The following TRIM15 variants were observed in gnomAD, a reference collection of about 807,000 sequenced individuals.
The protein encoded by TRIM15 is E3 ubiquitin-protein ligase TRIM15.
A neutral mutation model predicts 35.8 loss-of-function variants in TRIM15; 35 were observed. That is an observed-to-expected ratio of 0.98 (90% CI 0.75 to 1.30). The LOEUF is 1.30. TRIM15 is among the 50% of genes most tolerant of loss of function. TRIM15 has a pLI of 0.00. For missense variants in TRIM15, 590 were observed against 593.5 expected (o/e 0.99, Z 0.06); for synonymous variants, 252 against 249.8 (o/e 1.01, Z -0.08).
Position 30,163,690 on chromosome 6 carries a change from C to T in TRIM15, c.6C>T (p.Pro2=), listed in dbSNP as rs777093256. The T allele has an allele frequency of 1.9e-6, 3 of 1,604,796 alleles. No individual in the cohort carries two copies. The highest frequency in any genetic ancestry group is 1.7e-5 in the Admixed American group (1 of 59,722). Residue 2 remains proline, a synonymous_variant, in exon 1 of 7, where the codon CCC becomes CCT. Transcript: ENST00000376694. M[P]ATPSLKVVHE... ...GGGCTGGGGAAGGCACCGTGATGCC[C>T]GCAACCCCGTCCCTGAAGGTGGTCC... is the stretch of plus-strand genomic sequence containing the variant.
At position 30,163,870 on chromosome 6, in the gene TRIM15, G is replaced by C; in HGVS notation, c.186G>C (p.Glu62Asp). The change falls in exon 1 of 7, where the codon GAG (glutamate) becomes GAC (aspartate). Residue 62 changes from glutamate to aspartate, a missense_variant. Transcript: ENST00000376694. Reference sequence around the variant, plus strand: ...TCCTGCTCTGCCCGCTCTGCCAAGAGGAGGAGCAGGCAGAGACTCCCATGG... The same window carrying C: ...TCCTGCTCTGCCCGCTCTGCCAAGACGAGGAGCAGGCAGAGACTCCCATGG... ...GKILLCPLCQ[E>D]EEQAETPMAP... The C allele has an allele frequency of 6.2e-7, 1 of 1,613,066 alleles. No individual in the cohort carries two copies. Among genetic ancestry groups the C allele is most frequent in the Non-Finnish European group, 8.5e-7 (1 of 1,180,008 alleles).
chr6:30,172,228 T>G lies in TRIM15; in HGVS notation c.1277T>G (p.Val426Gly). The change falls in exon 7 of 7, where the codon GTG (valine) becomes GGG (glycine). Residue 426 changes from valine (V) to glycine (G), a missense_variant. Coordinates refer to ENST00000376694, the MANE Select transcript of TRIM15 (RefSeq NM_033229.3). ...RVALDYEAGQ[V>G]TLHNAQTQEP... ...GCCCTGGACTACGAGGCGGGGCAGG[T>G]GACCCTCCACAACGCCCAGACCCAG... is the stretch of plus-strand genomic sequence containing the variant. 2 of 1,611,240 alleles carry G rather than the reference T, an allele frequency of 1.2e-6. No homozygotes were observed. Among genetic ancestry groups the G allele is most frequent in the Non-Finnish European group, 8.5e-7 (1 of 1,179,300 alleles).
intron 2 of TRIM15, 65 bp downstream of exon 2, chr6:30,167,336 C>T: frequency 4.5e-6 from 6 of 1,334,266 alleles, no homozygotes; most frequent in South Asian, 2.4e-5. Context: ...TGGGGAAACC[C>T]GTTGGCTGGT....
At chr6:30,167,081 C>T in intron 1 of TRIM15, 95 bp from the exon 2 acceptor site, 3 of 1,107,928 alleles carry the variant, frequency 2.7e-6, no homozygotes, top group Non-Finnish European at 4.1e-6. Flanking sequence ...TTGAACCCCT[C>T]AGCACTCAAC....
Position 30,172,513 on chromosome 6 carries a change from C to A in TRIM15, c.*164C>A. 9.7e-7 allele frequency: 1 copy of A among 1,025,762 alleles called. No individual in the cohort carries two copies. The highest frequency in any genetic ancestry group is 1.4e-6 in the Non-Finnish European group (1 of 702,068). The allele number at this position is 1,025,762 out of a possible 1,614,324, so 63.5% of individuals were successfully genotyped here. A position where few individuals can be genotyped will look rare whatever the true frequency, so the allele number is the denominator to read the frequency against. On this transcript the variant is annotated 3_prime_UTR_variant, in exon 7 of 7. Transcript: ENST00000376694. ...TTGTTTTTACTTTATTTATCTTAGG[C>A]CCTCAGCTCCCTGACGTCCTGAGCC...
At position 30,168,479 on chromosome 6, in the gene TRIM15, G is replaced by GGAA. The variant is rs1169726008; in HGVS notation, c.658_659insAAG (p.Gln219_Val220insGlu). 1 of 1,610,418 alleles carries GGAA rather than the reference G, an allele frequency of 6.2e-7. No individual in the cohort carries two copies. The highest frequency in any genetic ancestry group is 1.1e-5 in the South Asian group (1 of 90,568). ...AGGAAGTCACCCGGCTTGGAGCCCAGGTCAAGGAGCTGGAGGAGAAGTGTC... is the reference window on the plus strand; with the variant it reads ...AGGAAGTCACCCGGCTTGGAGCCCAGGAAGTCAAGGAGCTGGAGGAGAAGTGTC... On this transcript the variant is annotated inframe_insertion, in exon 3 of 7. Transcript: ENST00000376694.
In TRIM15 at chr6:30,164,042, GA is replaced by G. The variant is rs1773393991; in HGVS notation, c.359del (p.Asp120AlafsTer18). ...THQAHTVGFL[D>X]EAIQPYRDRL... ...CCAGGCGCACACCGTGGGGTTCCTG[GA>G]CGAGGCCATTCAGCCCTACCGGGTA... On this transcript the variant is annotated frameshift_variant, in exon 1 of 7. Transcript: ENST00000376694. LOFTEE classifies it high-confidence loss of function. 1 of 1,612,534 alleles carries G rather than the reference GA, an allele frequency of 6.2e-7. No individual in the cohort carries two copies. The highest frequency in any genetic ancestry group is 8.5e-7 in the Non-Finnish European group (1 of 1,179,700).
At chr6:30,169,112 A>G in intron 3 of TRIM15, 129 bp from the exon 4 acceptor site, 2 of 1,069,938 alleles carry the variant, frequency 1.9e-6, no homozygotes, top group Non-Finnish European at 2.8e-6. Flanking sequence ...ATGAGTAGGT[A>G]ATTAAACAGG....
chr6:30,171,108 C>T (rs1189185877), intron 6 of TRIM15, 100 bp downstream of exon 6: 38 of 1,342,008 alleles, frequency 2.8e-5, no homozygotes, highest in Non-Finnish European at 2.4e-5. Flanking sequence ...AGCTTGATTG[C>T]TTGAGTTCTC....
rs189349148 is a variant in TRIM15 at position 30,167,666 on chromosome 6, T to G, written c.477+395T>G. 2.2e-4 allele frequency among the ~76,000 whole-genome samples: 34 copies of G among 152,278 alleles called. 1 individual carries two copies. The highest frequency in any genetic ancestry group is 1.6e-3 in the Admixed American group (25 of 15,300). ...GAAGCTTGGGGTCAAAAACATATGT[T>G]AGTGTCGGGATTCTAGTCCTGACTA... On this transcript the variant is annotated intron_variant, in intron 2 of 6. Transcript: ENST00000376694.
At chr6:30,164,291 A>C (rs1034662276) in intron 1 of TRIM15, among the ~76,000 whole-genome samples, 4 of 152,182 alleles carry the variant, frequency 2.6e-5, no homozygotes, top group Admixed American at 2.6e-4. Flanking sequence ...AGAGGACCCC[A>C]CAGAGGTGGA....
At chr6:30,170,686 C>A (rs2127461141) in intron 5 of TRIM15, 70 bp downstream of exon 5, 1 of 1,224,408 alleles carries the variant, frequency 8.2e-7, no homozygotes. Flanking sequence ...CCATCTCCAT[C>A]CTTCTCTGCC....
In TRIM15 at chr6:30,170,643, C is replaced by T. The variant is rs553760855; in HGVS notation, c.847+27C>T. 547 of 1,571,402 alleles carry T rather than the reference C, an allele frequency of 3.5e-4. 3 individuals carry two copies. In the South Asian group the frequency reaches 5.3e-3, roughly 15 times the overall value. On this transcript the variant is annotated intron_variant, in intron 5 of 6. Transcript: ENST00000376694. Reference sequence around the variant, plus strand: ...TAAAGGGGAAGGCGCCACAGTTTTCCCCAGTCCCATTAGCTGCCCTCCTGT... The same window carrying T: ...TAAAGGGGAAGGCGCCACAGTTTTCTCCAGTCCCATTAGCTGCCCTCCTGT...
intron 1 of TRIM15, among the ~76,000 whole-genome samples, chr6:30,165,911 G>C (rs1447609401): frequency 6.6e-6 from 1 of 152,198 alleles, no homozygotes; most frequent in African/African-American, 2.4e-5. Flanking sequence ...CTTTTGAGAA[G>C]TGTCTGTTCA....
In TRIM15 at chr6:30,172,511, G is replaced by C; in HGVS notation, c.*162G>C. ...GGTTGTTTTTACTTTATTTATCTTA[G>C]GCCCTCAGCTCCCTGACGTCCTGAG... On this transcript the variant is annotated 3_prime_UTR_variant, in exon 7 of 7. Transcript: ENST00000376694. The C allele has an allele frequency of 1.9e-6, 2 of 1,071,908 alleles. No individual in the cohort carries two copies. Among genetic ancestry groups the C allele is most frequent in the Non-Finnish European group, 2.7e-6 (2 of 742,746 alleles). The allele number at this position is 1,071,908 out of a possible 1,614,324, so 66.4% of individuals were successfully genotyped here.
intron 1 of TRIM15, among the ~76,000 whole-genome samples, chr6:30,166,253 T>C (rs1301239903): frequency 6.6e-6 from 1 of 152,252 alleles, no homozygotes; most frequent in African/African-American, 2.4e-5. Context: ...CGTTTAAGTC[T>C]TTAATCCATC....
intron 2 of TRIM15, among the ~76,000 whole-genome samples, chr6:30,167,892 C>G (rs1018232536): frequency 2.0e-5 from 3 of 152,106 alleles, no homozygotes; most frequent in African/African-American, 7.2e-5. Context: ...TGGTGATTTC[C>G]ACGGCTAAAA....
chr6:30,170,599 T>A lies in TRIM15; in HGVS notation c.830T>A (p.Met277Lys). 1 of 1,613,824 alleles carries A rather than the reference T, an allele frequency of 6.2e-7. No individual in the cohort carries two copies. Residue 277 changes from methionine (M) to lysine (K), a missense_variant, in exon 5 of 7, where the codon ATG (methionine) becomes AAG (lysine). Coordinates refer to ENST00000376694, the MANE Select transcript of TRIM15 (RefSeq NM_033229.3). ...AGGAAAATACTCACCCTCCCAGAGA[T>A]GATGAGGATGTTCTCAGGTAAAGGG... is the stretch of plus-strand genomic sequence containing the variant. ...FHRKILTLPE[M>K]MRMFSENLAH... is the part of the protein sequence containing the mutation.
At chr6:30,168,213 G>A (rs1773746769) in intron 2 of TRIM15, 87 bp from the exon 3 acceptor site, 2 of 1,187,516 alleles carry the variant, frequency 1.7e-6, no homozygotes, top group Non-Finnish European at 2.3e-6. Context: ...CCCTATCCCT[G>A]TTAATCAATA....
Sources: gnomAD v4.1 joint callset for allele counts (sites outside exome capture counted in the v4.1 genomes callset) on GRCh38, gnomAD v4.1.1 for gene constraint, MANE v1.5 for transcripts, NCBI Gene and HGNC (gene_info 2026-07-23, HGNC 2026-07-21) for gene names.